JMJD1C: variants seen among roughly 807,000 people sequenced by gnomAD.
JMJD1C encodes jumonji domain-containing protein 1C.
A neutral mutation model predicts 245.3 loss-of-function variants in JMJD1C; 31 were observed. That is an observed-to-expected ratio of 0.13 (90% CI 0.09 to 0.17). The LOEUF (loss-of-function observed/expected upper bound fraction) is 0.17. Among genes scored for constraint, JMJD1C ranks in the 10% least tolerant of loss-of-function variants. JMJD1C has a pLI of 1.00. For missense variants in JMJD1C, 2,691 were observed against 3,000.2 expected (o/e 0.90, Z 2.41); for synonymous variants, 1,057 against 1,017.4 (o/e 1.04, Z -0.74).
At chr10:63,248,140 T>G (rs1852504217) in intron 3 of JMJD1C, among the ~76,000 whole-genome samples, 1 of 150,188 alleles carries the variant, frequency 6.7e-6, no homozygotes, top group African/African-American at 2.5e-5. Flanking sequence ...AGCAGTATAT[T>G]TTACCACAAT....
chr10:63,219,188 C>G (rs1848323469), intron 4 of JMJD1C, among the ~76,000 whole-genome samples: 1 of 151,906 alleles, frequency 6.6e-6, no homozygotes, highest in Non-Finnish European at 1.5e-5. Context: ...CTGTACATAC[C>G]CATATAAAGC....
intron 1 of JMJD1C, among the ~76,000 whole-genome samples, chr10:63,483,473 A>G (rs1953891055): frequency 6.6e-6 from 1 of 152,220 alleles, no homozygotes; most frequent in Admixed American, 6.5e-5. Context: ...ATTAGATTTC[A>G]GCAGTACCTA....
intron 1 of JMJD1C, among the ~76,000 whole-genome samples, chr10:63,397,926 T>A (rs1214016467): frequency 1.3e-5 from 2 of 152,204 alleles, no homozygotes; most frequent in African/African-American, 4.8e-5. Context: ...TTTAGTCTCT[T>A]AATGTGTAAC....
intron 3 of JMJD1C, among the ~76,000 whole-genome samples, chr10:63,243,126 A>ATATAT (rs1564669004): frequency 7.0e-4 from 30 of 43,050 alleles, no homozygotes; most frequent in African/African-American, 8.0e-4. Context: ...TATATATATA[A>ATATAT]ATATATATAT....
intron 2 of JMJD1C, among the ~76,000 whole-genome samples, chr10:63,307,314 T>C (rs1372410824): frequency 6.6e-6 from 1 of 152,220 alleles, no homozygotes; most frequent in African/African-American, 2.4e-5. Flanking sequence ...TTTCAGTATA[T>C]TTCAATGTTT....
chr10:63,420,886 ACAAAACAAACATTGTATAATGGAGAC>A (rs1950088829), intron 1 of JMJD1C, among the ~76,000 whole-genome samples: 1 of 152,080 alleles, frequency 6.6e-6, no homozygotes, highest in Non-Finnish European at 1.5e-5. Flanking sequence ...TCAACAAAGT[ACAAAACAAACATTGTATAATGGAGAC>A]CAAAAAACCA....
intron 24 of JMJD1C, among the ~76,000 whole-genome samples, chr10:63,169,554 T>C (rs548019813): frequency 6.6e-6 from 1 of 152,184 alleles, no homozygotes; most frequent in South Asian, 2.1e-4. Context: ...AAAAATCTAA[T>C]TGATGATAGG....
intron 1 of JMJD1C, among the ~76,000 whole-genome samples, chr10:63,462,373 T>C (rs1259348676): frequency 1.3e-5 from 2 of 152,232 alleles, no homozygotes; most frequent in South Asian, 4.1e-4. Context: ...ACTTTATTTG[T>C]ATTAAATTAT....
intron 1 of JMJD1C, among the ~76,000 whole-genome samples, chr10:63,419,928 G>A (rs1305598721): frequency 1.3e-5 from 2 of 151,578 alleles, no homozygotes; most frequent in Non-Finnish European, 2.9e-5. Flanking sequence ...ACAAGGTCAG[G>A]AGTTTGAGAG....
At chr10:63,300,347 G>C (rs1859936399) in intron 2 of JMJD1C, among the ~76,000 whole-genome samples, 1 of 152,090 alleles carries the variant, frequency 6.6e-6, no homozygotes, top group African/African-American at 2.4e-5. Flanking sequence ...TGTACCAAAA[G>C]AAAGGGAAGC....
chr10:63,328,536 C>T (rs1941789256), intron 2 of JMJD1C, among the ~76,000 whole-genome samples: 1 of 152,128 alleles, frequency 6.6e-6, no homozygotes, highest in Non-Finnish European at 1.5e-5. Flanking sequence ...CTGGTGAGCA[C>T]TTTATCATGG....
Position 63,364,180 on chromosome 10 carries a change from T to C in JMJD1C, c.333+16138A>G, listed in dbSNP as rs55854521. On this transcript the variant is annotated intron_variant, in intron 2 of 25. Coordinates refer to ENST00000399262, the MANE Select transcript of JMJD1C (RefSeq NM_032776.3). The stretch of plus-strand genomic sequence containing the variant: ...GCGCCCAGACTGTCTGGTTAATTTT[T>C]AACTTTTATGTACAGATGAGGACTT... 9.2e-3 allele frequency among the ~76,000 whole-genome samples: 1,403 copies of C among 152,276 alleles called. 18 individuals are homozygous for C. The highest frequency in any genetic ancestry group is 0.031 in the African/African-American group (1,283 of 41,550).
intron 3 of JMJD1C, among the ~76,000 whole-genome samples, chr10:63,220,719 C>T (rs143194518): frequency 6.6e-6 from 1 of 152,250 alleles, no homozygotes; most frequent in African/African-American, 2.4e-5. Context: ...TCTCAAAGTA[C>T]CTCTGCTGCT....
intron 1 of JMJD1C, among the ~76,000 whole-genome samples, chr10:63,441,665 C>CA (rs1951396492): frequency 6.6e-6 from 1 of 152,114 alleles, no homozygotes; most frequent in South Asian, 2.1e-4. Flanking sequence ...CAGTTTTCAA[C>CA]AAAATCACAT....
intron 1 of JMJD1C, among the ~76,000 whole-genome samples, chr10:63,403,206 A>C (rs184091478): frequency 2.0e-5 from 3 of 152,332 alleles, no homozygotes; most frequent in Non-Finnish European, 1.5e-5. Flanking sequence ...AAGTCATCCT[A>C]CCACTCAAAT....
rs540566828 is a variant in JMJD1C, at chr10:63,191,726, T to TTTGAGAG, written c.6077-619_6077-618insCTCTCAA. On this transcript the variant is annotated intron_variant, in intron 16 of 25. Coordinates refer to ENST00000399262, the MANE Select transcript of JMJD1C (RefSeq NM_032776.3). ...GTGGCCGGGCGCGGTGGCTCATACC[T>TTTGAGAG]GTAATCCCAGCACTTTGAGAGGCTG... 2.0e-5 allele frequency among the ~76,000 whole-genome samples: 3 copies of TTTGAGAG among 152,176 alleles called. No homozygotes were observed. In the South Asian group the frequency reaches 6.2e-4, roughly 32 times the overall value.
chr10:63,453,341 T>C (rs916062514), intron 1 of JMJD1C, among the ~76,000 whole-genome samples: 1 of 152,116 alleles, frequency 6.6e-6, no homozygotes, highest in Non-Finnish European at 1.5e-5. Context: ...ATAAGAAAAA[T>C]TTTTTAAAGA....
intron 3 of JMJD1C, among the ~76,000 whole-genome samples, chr10:63,226,511 G>T (rs2133348202): frequency 6.6e-6 from 1 of 151,366 alleles, no homozygotes; most frequent in East Asian, 2.0e-4. Context: ...CCAGGAGTTC[G>T]AGACCAGCCT....
chr10:63,465,149 T>C (rs1481723272), intron 1 of JMJD1C: 5 of 323,622 alleles, frequency 1.5e-5, no homozygotes, highest in African/African-American at 8.7e-5. Flanking sequence ...TACCCCCACC[T>C]GCCCGCGCGG....
Sources: gnomAD v4.1 joint callset for allele counts (sites outside exome capture counted in the v4.1 genomes callset) on GRCh38, gnomAD v4.1.1 for gene constraint, MANE v1.5 for transcripts, NCBI Gene and HGNC (gene_info 2026-07-23, HGNC 2026-07-21) for gene names.